DAAM1: variants seen among roughly 807,000 people sequenced by gnomAD.
DAAM1 encodes disheveled-associated activator of morphogenesis 1.
DAAM1 carries 52 observed loss-of-function variants against 130.0 expected under a neutral mutation model. The observed-to-expected ratio is 0.40, with a 90% CI of 0.32 to 0.50. DAAM1 has a LOEUF of 0.50. Ranked by LOEUF, DAAM1 falls within the 20% of genes least tolerant of loss-of-function variation. DAAM1 has a pLI of 0.61. For missense variants in DAAM1, 1,134 were observed against 1,303.8 expected, an observed-to-expected ratio of 0.87 and a Z score of 2.01; for synonymous variants, 452 against 444.5, an observed-to-expected ratio of 1.02 and a Z score of -0.21.
rs1458991851 is a variant in DAAM1 at position 59,363,675 on chromosome 14, C to T, written c.2719C>T (p.Pro907Ser). ...GGAGCTGGAATATCAGAAGTCTCAG[C>T]CCCCACAGCCCGGAGATAAGTTTGT... ...ETELEYQKSQ[P>S]PQPGDKFVSV... Residue 907 changes from proline to serine, a missense_variant, in exon 23 of 25, where the codon CCC becomes TCC. This residue lies in a region of DAAM1 where 644 missense variants were observed against 695.9 expected (regional missense o/e 0.93). Coordinates refer to ENST00000360909, the MANE Select transcript of DAAM1 (RefSeq NM_001270520.2). 1.2e-6 allele frequency: 2 copies of T among 1,614,042 alleles called. No individual in the cohort carries two copies. Among genetic ancestry groups the T allele is most frequent in the Non-Finnish European group, 1.7e-6 (2 of 1,179,972 alleles).
At chr14:59,199,434 G>A (rs971003281) in intron 1 of DAAM1, among the ~76,000 whole-genome samples, 9 of 152,152 alleles carry the variant, frequency 5.9e-5, no homozygotes, top group Non-Finnish European at 1.0e-4. Flanking sequence ...CCACCAGGGG[G>A]TCCACAGAGT....
At chr14:59,244,455 C>G (rs1881275344) in intron 1 of DAAM1, among the ~76,000 whole-genome samples, 1 of 152,104 alleles carries the variant, frequency 6.6e-6, no homozygotes, top group Admixed American at 6.5e-5. Flanking sequence ...GCTTGAGAAG[C>G]CGGGGGTGTA....
intron 21 of DAAM1, among the ~76,000 whole-genome samples, chr14:59,359,870 G>A (rs986082753): frequency 6.6e-6 from 1 of 152,164 alleles, no homozygotes; most frequent in African/African-American, 2.4e-5. Flanking sequence ...AAACCAAGGC[G>A]GCTCTTTAAT....
intron 1 of DAAM1, among the ~76,000 whole-genome samples, chr14:59,192,807 A>T (rs1003210596): frequency 6.6e-6 from 1 of 152,230 alleles, no homozygotes; most frequent in Non-Finnish European, 1.5e-5. Flanking sequence ...TAATCCCAGC[A>T]CTTTGGGAGG....
Position 59,331,324 on chromosome 14 carries a change from G to C in DAAM1, c.1676G>C (p.Gly559Ala). The change falls in exon 14 of 25, where the codon GGT becomes GCT. Residue 559 changes from glycine to alanine, a missense_variant. By Grantham distance (60) the Gly-to-Ala change is moderately conservative. Around this residue, in one of 3 missense-constraint regions of DAAM1, gnomAD observed 644 missense variants for 695.9 expected, o/e 0.93. Transcript: ENST00000360909. ...LPPPPPPPLPGGMLPPPPPPL... is the reference protein window; with the variant it reads ...LPPPPPPPLPAGMLPPPPPPL... ...CCCCCACCACCCCCACCTCTACCAGGTGGGATGCTTCCCCCTCCACCGCCT... is the reference window on the plus strand; with the variant it reads ...CCCCCACCACCCCCACCTCTACCAGCTGGGATGCTTCCCCCTCCACCGCCT... 6.2e-7 allele frequency: 1 copy of C among 1,610,742 alleles called. No individual in the cohort carries two copies. The highest frequency in any genetic ancestry group is 8.5e-7 in the Non-Finnish European group (1 of 1,179,306).
At chr14:59,274,393 CT>C (rs58636516) in intron 2 of DAAM1, among the ~76,000 whole-genome samples, 32,777 of 151,864 alleles carry the variant, frequency 0.22, 3,611 homozygotes, top group East Asian at 0.32. Flanking sequence ...AAGTCAGAAT[CT>C]TTTGCCATCT....
At chr14:59,198,955 GAC>G (rs1392497476) in intron 1 of DAAM1, among the ~76,000 whole-genome samples, 1 of 152,230 alleles carries the variant, frequency 6.6e-6, no homozygotes, top group Non-Finnish European at 1.5e-5. Context: ...TTTTTGGGAA[GAC>G]AGTATCCTCT....
intron 2 of DAAM1, chr14:59,264,895 C>G (rs1308786931): frequency 6.6e-6 from 1 of 152,132 alleles, no homozygotes; most frequent in Non-Finnish European, 1.5e-5. Flanking sequence ...TCATTCAGCT[C>G]CCACTTATTA....
chr14:59,281,524 TGGAGGA>T (rs59666401), intron 2 of DAAM1, among the ~76,000 whole-genome samples: 55 of 150,226 alleles, frequency 3.7e-4, no homozygotes, highest in East Asian at 2.0e-3. Flanking sequence ...GTGCTGCTGT[TGGAGGA>T]GGAGGAGGAG....
intron 2 of DAAM1, among the ~76,000 whole-genome samples, chr14:59,269,830 A>G (rs1418574079): frequency 1.3e-5 from 2 of 152,216 alleles, no homozygotes; most frequent in African/African-American, 4.8e-5. Flanking sequence ...AGAGAGTGAG[A>G]GAAGGCATGG....
At chr14:59,264,862 C>G (rs1168405082) in intron 2 of DAAM1, 1 of 152,112 alleles carries the variant, frequency 6.6e-6, no homozygotes, top group Non-Finnish European at 1.5e-5. Flanking sequence ...TGTTGTTTCC[C>G]CCCATGTGTC....
At chr14:59,254,871 A>G (rs981469734) in intron 1 of DAAM1, among the ~76,000 whole-genome samples, 3 of 152,184 alleles carry the variant, frequency 2.0e-5, no homozygotes, top group African/African-American at 4.8e-5. Context: ...AGAGTTGGGC[A>G]TAGTGTTTCT....
chr14:59,330,099 C>T (rs1885365004), intron 12 of DAAM1, among the ~76,000 whole-genome samples: 1 of 152,210 alleles, frequency 6.6e-6, no homozygotes, highest in Admixed American at 6.5e-5. Flanking sequence ...CTCTTTGTCT[C>T]ACTTCTAATT....
Position 59,326,522 on chromosome 14 carries a change from G to T in DAAM1, c.1187G>T (p.Gly396Val). ...TTTTCTTTTTTAGACAAGAGGAGTG[G>T]CAACACTGTTCAGTACTGGCTACTA... is the stretch of plus-strand genomic sequence containing the variant. ...HCLQMPYKRS[G>V]NTVQYWLLLD... Residue 396 changes from glycine (G) to valine (V), a missense_variant, in exon 11 of 25, where the codon GGC (glycine) becomes GTC (valine). Around this residue, in one of 3 missense-constraint regions of DAAM1, gnomAD observed 391 missense variants for 521.6 expected, o/e 0.75. Transcript: ENST00000360909. The T allele has an allele frequency of 6.3e-7, 1 of 1,590,532 alleles. No individual in the cohort carries two copies. Among genetic ancestry groups the T allele is most frequent in the Non-Finnish European group, 8.5e-7 (1 of 1,170,238 alleles).
chr14:59,306,307 T>C (rs1001418478), intron 3 of DAAM1, among the ~76,000 whole-genome samples: 2 of 152,186 alleles, frequency 1.3e-5, no homozygotes, highest in East Asian at 3.9e-4. Flanking sequence ...TATTCATGTA[T>C]TCCAACACCC....
chr14:59,348,110 A>G (rs948556841), intron 17 of DAAM1, among the ~76,000 whole-genome samples: 1 of 152,224 alleles, frequency 6.6e-6, no homozygotes, highest in Non-Finnish European at 1.5e-5. Context: ...TACGTGTCAC[A>G]AGACAGGTTG....
chr14:59,242,038 G>A (rs1419077946), intron 1 of DAAM1, among the ~76,000 whole-genome samples: 1 of 152,150 alleles, frequency 6.6e-6, no homozygotes, highest in African/African-American at 2.4e-5. Context: ...GTTAAAACTG[G>A]AAGAGACCTT....
intron 2 of DAAM1, among the ~76,000 whole-genome samples, chr14:59,267,551 A>C (rs1481413315): frequency 6.6e-6 from 1 of 152,170 alleles, no homozygotes; most frequent in African/African-American, 2.4e-5. Context: ...TAATTCACCT[A>C]TGTAAAGTGT....
Position 59,225,176 on chromosome 14 carries a change from C to T in DAAM1, c.-38+36408C>T, listed in dbSNP as rs181688334. 2.2e-4 allele frequency among the ~76,000 whole-genome samples: 33 copies of T among 151,986 alleles called. No individual in the cohort carries two copies. The East Asian group carries it at 4.5e-3, about 21-fold the overall frequency. ...CCGAGTAGCTGGGACTACAGGCATG[C>T]GCCACCAGGCCCAGCTAATTTTTGT... On this transcript the variant is annotated intron_variant, in intron 1 of 24. Transcript: ENST00000360909.
Sources: gnomAD v4.1 joint callset for allele counts (sites outside exome capture counted in the v4.1 genomes callset) on GRCh38, gnomAD v4.1.1 for gene constraint, gnomAD v4.1.1 regional missense constraint, MANE v1.5 for transcripts, NCBI Gene and HGNC (gene_info 2026-07-23, HGNC 2026-07-21) for gene names.